FOXN3: variants seen among roughly 807,000 people sequenced by gnomAD.
The protein encoded by FOXN3 is forkhead box protein N3.
Under a neutral mutation model 38.4 loss-of-function variants are expected in FOXN3, and 7 were observed. The observed-to-expected ratio is 0.18, with a 90% CI of 0.10 to 0.34. The LOEUF (loss-of-function observed/expected upper bound fraction) is 0.34, where lower values mean the gene tolerates loss of function less well. Ranked by LOEUF, FOXN3 falls within the 10% of genes least tolerant of loss-of-function variation. The pLI is 1.00. For missense variants in FOXN3, 456 were observed against 613.4 expected (o/e 0.74, Z 2.71); for synonymous variants, 230 against 242.2 (o/e 0.95, Z 0.47).
chr14:89,486,734 C>A (rs1248245512), intron 1 of FOXN3: 2 of 152,176 alleles, frequency 1.3e-5, no homozygotes, highest in African/African-American at 2.4e-5. Flanking sequence ...CTTGCAACCA[C>A]AATGGATGTC....
At chr14:89,419,268 TGGG>T, upstream of FOXN3, 2 of 448,592 alleles carry the variant, frequency 4.5e-6, no homozygotes, top group Non-Finnish European at 9.0e-6. Flanking sequence ...CTATCTGAAA[TGGG>T]GGAAAAAATG....
upstream of FOXN3, chr14:89,417,565 G>A: frequency 3.1e-6 from 1 of 321,080 alleles, no homozygotes; most frequent in Admixed American, 3.4e-5. Flanking sequence ...CCCTCCCCGG[G>A]CTCCGGCCAC....
chr14:89,492,011 G>A (rs1332639028), intron 1 of FOXN3, among the ~76,000 whole-genome samples: 1 of 152,146 alleles, frequency 6.6e-6, no homozygotes, highest in Non-Finnish European at 1.5e-5. Flanking sequence ...ATTTCTGTAT[G>A]ATGAAAAACA....
chr14:89,445,952 G>A (rs969945521), intron 1 of FOXN3, among the ~76,000 whole-genome samples: 2 of 151,124 alleles, frequency 1.3e-5, no homozygotes, highest in African/African-American at 4.9e-5. Context: ...CATGGTGGGG[G>A]GTGGCGGGGG....
upstream of FOXN3, chr14:89,417,614 G>C: frequency 2.4e-6 from 1 of 414,666 alleles, no homozygotes; most frequent in South Asian, 1.6e-5. Context: ...AACGTGTCGC[G>C]GGAACGCTCC....
intron 1 of FOXN3, among the ~76,000 whole-genome samples, chr14:89,608,199 T>C (rs1174309649): frequency 6.6e-6 from 1 of 152,256 alleles, no homozygotes; most frequent in African/African-American, 2.4e-5. Context: ...TTAGCCATCC[T>C]GTTAGCCAGG....
In FOXN3 at chr14:89,158,063, C is replaced by G. The variant is rs752456212; in HGVS notation, c.*4351G>C. 1 of 152,328 alleles carries G rather than the reference C, an allele frequency of 6.6e-6. No homozygotes were observed. Among genetic ancestry groups the G allele is most frequent in the African/African-American group, 2.4e-5 (1 of 41,460 alleles). 9.4% of individuals were successfully genotyped at this position (152,328 alleles called of 1,614,324 possible). A position where few individuals can be genotyped will look rare whatever the true frequency, so the allele number is the denominator to read the frequency against. ...AAAGAGAAATCACATGGAATTTAAT[C>G]CAATCTCATCTAGAAAAGCTTCCCA... On this transcript the variant is annotated 3_prime_UTR_variant, in exon 6 of 6. Coordinates refer to ENST00000557258, the MANE Select transcript of FOXN3 (RefSeq NM_005197.4).
At chr14:89,391,620 C>G (rs983747569) in intron 2 of FOXN3, among the ~76,000 whole-genome samples, 7 of 152,152 alleles carry the variant, frequency 4.6e-5, no homozygotes, top group African/African-American at 1.7e-4. Flanking sequence ...GCCTCAGCAC[C>G]AAGTGCATGA....
chr14:89,543,587 C>A (rs1280755972), intron 1 of FOXN3, among the ~76,000 whole-genome samples: 1 of 152,334 alleles, frequency 6.6e-6, no homozygotes, highest in East Asian at 1.9e-4. Context: ...TCTATTCCTC[C>A]GGCAAGGTTG....
chr14:89,278,216 G>A (rs1886355528), intron 4 of FOXN3, among the ~76,000 whole-genome samples: 1 of 152,130 alleles, frequency 6.6e-6, no homozygotes. Context: ...CGTCTTACAT[G>A]GCGACAGACA....
intron 2 of FOXN3, among the ~76,000 whole-genome samples, chr14:89,394,776 T>C (rs983545174): frequency 1.8e-4 from 28 of 152,172 alleles, no homozygotes; most frequent in African/African-American, 6.3e-4. Context: ...CCCATTAGCA[T>C]TGGGGAAATG....
At chr14:89,317,946 T>C (rs1390278109) in intron 3 of FOXN3, among the ~76,000 whole-genome samples, 1 of 149,888 alleles carries the variant, frequency 6.7e-6, no homozygotes, top group Admixed American at 6.7e-5. Context: ...AACTAATGCC[T>C]GATCCAAGGT....
chr14:89,293,242 T>C (rs1384817523), intron 3 of FOXN3, among the ~76,000 whole-genome samples: 3 of 152,118 alleles, frequency 2.0e-5, no homozygotes, highest in Non-Finnish European at 4.4e-5. Context: ...GAAGGCAGCT[T>C]CCCCCCTCTG....
At chr14:89,568,794 C>T (rs570236014) in intron 1 of FOXN3, among the ~76,000 whole-genome samples, 2 of 152,218 alleles carry the variant, frequency 1.3e-5, no homozygotes, top group East Asian at 1.9e-4. Flanking sequence ...TTATTTATTT[C>T]CCAAAAAAAG....
chr14:89,346,492 A>T (rs908952891), intron 3 of FOXN3, among the ~76,000 whole-genome samples: 1 of 152,124 alleles, frequency 6.6e-6, no homozygotes, highest in East Asian at 1.9e-4. Context: ...TGAAGGACAA[A>T]ATCATTGTTT....
At chr14:89,568,413 T>C (rs909310934) in intron 1 of FOXN3, among the ~76,000 whole-genome samples, 5 of 152,096 alleles carry the variant, frequency 3.3e-5, no homozygotes, top group African/African-American at 1.2e-4. Context: ...TCCCTGCCCC[T>C]GACCACCTCC....
intron 1 of FOXN3, among the ~76,000 whole-genome samples, chr14:89,494,775 C>T (rs1893645266): frequency 6.6e-6 from 1 of 152,226 alleles, no homozygotes; most frequent in Non-Finnish European, 1.5e-5. Flanking sequence ...TAGGCAAAAG[C>T]ATAAACCCTT....
intron 1 of FOXN3, among the ~76,000 whole-genome samples, chr14:89,438,864 A>G (rs1892322180): frequency 1.3e-5 from 2 of 151,770 alleles, no homozygotes; most frequent in Admixed American, 6.6e-5. Flanking sequence ...CCCAGGTTCT[A>G]AGGATTCTCC....
rs1384114277 is a variant in FOXN3, at chr14:89,201,149, T to G, written c.746-20343A>C. ...AGCTCCCTATAGATGAATGAGAAAC[T>G]ACACATTCCTCTCAAGTCTCTTCCC... is the stretch of plus-strand genomic sequence containing the variant. On this transcript the variant is annotated intron_variant, in intron 4 of 5. Transcript: ENST00000557258. Among the ~76,000 whole-genome samples, 4 of 152,350 alleles carry G rather than the reference T, an allele frequency of 2.6e-5. No individual in the cohort carries two copies. In the East Asian group the frequency reaches 7.7e-4, roughly 29 times the overall value.
Sources: gnomAD v4.1 joint callset for allele counts (sites outside exome capture counted in the v4.1 genomes callset) on GRCh38, gnomAD v4.1.1 for gene constraint, MANE v1.5 for transcripts, NCBI Gene and HGNC (gene_info 2026-07-23, HGNC 2026-07-21) for gene names.